Variants in CCNH observed in about 807,000 individuals in gnomAD.
CCNH encodes the protein cyclin H.
In CCNH, 31 loss-of-function variants were observed where a neutral mutation model predicts 41.9. That is an observed-to-expected ratio of 0.74 (90% CI 0.56 to 1.00). The LOEUF (loss-of-function observed/expected upper bound fraction) is 1.00. Among genes scored for constraint, CCNH ranks in the 50% least tolerant of loss-of-function variants. The probability of loss-of-function intolerance (pLI) is 0.00; values close to 1 mark genes in which losing one functional copy is unlikely to be tolerated. For missense variants in CCNH, 362 were observed against 388.4 expected (o/e 0.93, Z 0.57); for synonymous variants, 138 against 136.1 (o/e 1.01, Z -0.10).
intron 9 of CCNH, among the ~76,000 whole-genome samples, chr5:87,350,788 A>C (rs1279201423): frequency 6.6e-6 from 1 of 151,470 alleles, no homozygotes; most frequent in African/African-American, 2.4e-5. Flanking sequence ...TGATTTTTAT[A>C]ATTTTTCTTC....
At chr5:87,329,509 T>A (rs1757460697) in intron 9 of CCNH, among the ~76,000 whole-genome samples, 1 of 152,078 alleles carries the variant, frequency 6.6e-6, no homozygotes, top group East Asian at 1.9e-4. Flanking sequence ...AAATCATAAG[T>A]TGGATATTTC....
At position 87,394,583 on chromosome 5, in the gene CCNH, C is replaced by T. The variant is rs1762770962; in HGVS notation, c.934-99G>A. The T allele has an allele frequency of 1.9e-6, 3 of 1,570,326 alleles. No homozygotes were observed. The South Asian group carries it at 3.6e-5, about 19-fold the overall frequency. On this transcript the variant is annotated intron_variant, in intron 8 of 8. Coordinates refer to ENST00000256897, the MANE Select transcript of CCNH (RefSeq NM_001239.4). ...AAGAAAATGTTCTCCTCCTTTTACC[C>T]ATGTGGATTACAAAAGATAAACCAG...
At chr5:87,392,488 C>A (rs1762595694), downstream of CCNH, 1 of 381,620 alleles carries the variant, frequency 2.6e-6, no homozygotes, top group Admixed American at 3.2e-5. Flanking sequence ...CTCCTTTCCA[C>A]CCCTTCTGTT....
intron 9 of CCNH, chr5:87,341,194 G>C: frequency 1.6e-6 from 1 of 622,304 alleles, no homozygotes; most frequent in Non-Finnish European, 2.4e-6. Context: ...TAAGGATAGT[G>C]TGGGGATATG....
chr5:87,366,435 G>A, intron 9 of CCNH: 1 of 363,918 alleles, frequency 2.7e-6, no homozygotes. Flanking sequence ...AATTGCCAGA[G>A]TAAAAAGAAG....
intron 7 of CCNH, among the ~76,000 whole-genome samples, chr5:87,396,173 T>G (rs1353714270): frequency 6.6e-6 from 1 of 152,184 alleles, no homozygotes. Context: ...TAGAGATGAT[T>G]TAAAGTATAT....
At chr5:87,331,681 G>A (rs1347770773) in intron 9 of CCNH, among the ~76,000 whole-genome samples, 1 of 151,970 alleles carries the variant, frequency 6.6e-6, no homozygotes, top group Non-Finnish European at 1.5e-5. Context: ...TACATTTTTT[G>A]TTTAAAAACA....
Position 87,399,505 on chromosome 5 carries a change from C to T in CCNH, c.761G>A (p.Ser254Asn). Residue 254 changes from serine to asparagine, a missense_variant and splice_region_variant, in exon 7 of 9, where the codon AGC (serine) becomes AAC (asparagine). By Grantham distance (46) the Ser-to-Asn change is conservative. Coordinates refer to ENST00000256897, the MANE Select transcript of CCNH (RefSeq NM_001239.4). ...ATACTTCTTTACTAAGTTTCTCATG[C>T]CTATGTGGATACAAAAAAAGAATTT... Reference protein sequence around the residue: ...CLSQLLDIMKSMRNLVKKYEP... With the variant: ...CLSQLLDIMKNMRNLVKKYEP... The T allele has an allele frequency of 6.3e-7, 1 of 1,594,242 alleles. No individual in the cohort carries two copies. The highest frequency in any genetic ancestry group is 8.6e-7 in the Non-Finnish European group (1 of 1,162,256).
chr5:87,372,450 G>A (rs1415109566), downstream of CCNH, among the ~76,000 whole-genome samples: 1 of 152,034 alleles, frequency 6.6e-6, no homozygotes, highest in Non-Finnish European at 1.5e-5. Flanking sequence ...AGCAGAAACG[G>A]TTCTGTTGGG....
At chr5:87,398,823 A>G (rs1301686810) in intron 7 of CCNH, among the ~76,000 whole-genome samples, 1 of 152,034 alleles carries the variant, frequency 6.6e-6, no homozygotes, top group Non-Finnish European at 1.5e-5. Flanking sequence ...AATACAAAAA[A>G]TTAGCTGGGC....
chr5:87,384,308 C>T (rs1423156771), intron 9 of CCNH, among the ~76,000 whole-genome samples: 2 of 151,976 alleles, frequency 1.3e-5, no homozygotes, highest in Non-Finnish European at 2.9e-5. Flanking sequence ...GTTTTATTAC[C>T]CATATATCCA....
intron 6 of CCNH, among the ~76,000 whole-genome samples, chr5:87,400,697 C>T (rs1165836405): frequency 1.3e-5 from 2 of 152,076 alleles, no homozygotes; most frequent in Non-Finnish European, 2.9e-5. Flanking sequence ...TTACTGTCAT[C>T]GAAAATCAAG....
At chr5:87,353,111 G>A (rs1350113010) in intron 9 of CCNH, 2 of 1,436,592 alleles carry the variant, frequency 1.4e-6, no homozygotes, top group Admixed American at 3.4e-5. Flanking sequence ...TAAAGATTTT[G>A]CAGTTTTATG....
intron 9 of CCNH, chr5:87,363,321 G>T: frequency 1.3e-6 from 2 of 1,566,028 alleles, no homozygotes; most frequent in South Asian, 2.2e-5. Context: ...GTTTGGCTAA[G>T]AGAAAACAAT....
chr5:87,394,323 AAAC>A lies in CCNH; in HGVS notation c.*120_*122del, dbSNP rs1401289770. ...ATAAAGTTACTGTGAAAGGGAAAGA[AAAC>A]AATAGAAAAGTTTTAATATATTTTA... On this transcript the variant is annotated 3_prime_UTR_variant, in exon 9 of 9. Transcript: ENST00000256897. 9 of 1,380,968 alleles carry A rather than the reference AAAC, an allele frequency of 6.5e-6. No individual in the cohort carries two copies. Among genetic ancestry groups the A allele is most frequent in the Non-Finnish European group, 7.6e-6 (8 of 1,057,988 alleles). 85.5% of individuals were successfully genotyped at this position (1,380,968 alleles called of 1,614,324 possible). A position where few individuals can be genotyped will look rare whatever the true frequency, so the allele number is the denominator to read the frequency against.
At chr5:87,350,515 A>G (rs1759185725) in intron 9 of CCNH, among the ~76,000 whole-genome samples, 1 of 151,556 alleles carries the variant, frequency 6.6e-6, no homozygotes, top group Non-Finnish European at 1.5e-5. Flanking sequence ...TATTTTTTTG[A>G]AGTTCGTTTT....
chr5:87,357,508 A>G (rs1580343721), intron 9 of CCNH, among the ~76,000 whole-genome samples: 1 of 152,304 alleles, frequency 6.6e-6, no homozygotes, highest in African/African-American at 2.4e-5. Context: ...GATCAAGACC[A>G]TCCTGGCTAA....
At chr5:87,378,544 A>G, upstream of CCNH, 1 of 1,601,400 alleles carries the variant, frequency 6.2e-7, no homozygotes, top group East Asian at 2.2e-5. Context: ...GTGAGGTAAG[A>G]ATTTAATGTT....
chr5:87,380,655 T>C (rs1022716575), upstream of CCNH: 20 of 1,401,042 alleles, frequency 1.4e-5, no homozygotes, highest in Admixed American at 6.7e-5. Flanking sequence ...TTGTGAAAAA[T>C]TGAGGAATAA....
Sources: allele counts gnomAD v4.1 joint callset (sites outside exome capture counted in the v4.1 genomes callset), GRCh38; gene constraint gnomAD v4.1.1; transcripts MANE v1.5; gene names NCBI Gene and HGNC (gene_info 2026-07-23, HGNC 2026-07-21).